NID1: variants seen among roughly 807,000 people sequenced by gnomAD.
NID1 encodes nidogen 1.
NID1 carries 76 observed loss-of-function variants against 130.6 expected under a neutral mutation model. The ratio of observed to expected loss-of-function variants is 0.58; its 90% CI spans 0.48 to 0.70. The LOEUF (loss-of-function observed/expected upper bound fraction) is 0.70, where lower values mean the gene tolerates loss of function less well. Among genes scored for constraint, NID1 ranks in the 30% least tolerant of loss-of-function variants. The probability of loss-of-function intolerance (pLI) is 0.00; values close to 1 mark genes in which losing one functional copy is unlikely to be tolerated. For missense variants in NID1, 1,517 were observed against 1,664.8 expected (o/e 0.91, Z 1.54); for synonymous variants, 665 against 675.1 (o/e 0.98, Z 0.23).
chr1:236,043,625 C>T (rs577699886), intron 3 of NID1, among the ~76,000 whole-genome samples: 16 of 151,966 alleles, frequency 1.1e-4, no homozygotes, highest in East Asian at 3.9e-4. Context: ...GGTGAAACCC[C>T]GTCTCTACTA....
rs371251887 is a variant in NID1 at position 235,981,707 on chromosome 1, C to T, written c.3131G>A (p.Arg1044Gln). Reference protein sequence around the residue: ...NIFWTDSNLDRIEVAKLDGTQ... With the variant: ...NIFWTDSNLDQIEVAKLDGTQ... ...GCCGTCCAGCTTCGCCACTTCTATT[C>T]GATCCAGGTTAGAGTCTGTCCAGAA... Residue 1044 changes from arginine to glutamine, a missense_variant, in exon 16 of 20, where the codon CGA becomes CAA. Physicochemically the swap from Arg to Gln is conservative, Grantham distance 43. Around this residue, in one of 3 missense-constraint regions of NID1, gnomAD observed 1,329 missense variants for 1,429.2 expected, o/e 0.93. Transcript: ENST00000264187. 1.4e-5 allele frequency: 22 copies of T among 1,614,104 alleles called. No individual in the cohort carries two copies. Among genetic ancestry groups the T allele is most frequent in the Admixed American group, 6.7e-5 (4 of 60,006 alleles).
chr1:235,992,488 A>G (rs2102800385), intron 13 of NID1, among the ~76,000 whole-genome samples: 1 of 152,244 alleles, frequency 6.6e-6, no homozygotes, highest in Non-Finnish European at 1.5e-5. Flanking sequence ...CCTCATGACC[A>G]ATACTCAGGC....
Position 236,064,931 on chromosome 1 carries a change from TC to T in NID1, c.148del (p.Asp50MetfsTer10). ...CTCCAGGGCAGGAGAGACGAAGTCA[TC>T]CCCGTCCTCCAGCTCCAGGTCCCCC... Reference protein sequence around the residue: ...GQGDLELEDGDDFVSPALELS... With the variant: ...GQGDLELEDGXDFVSPALELS... On this transcript the variant is annotated frameshift_variant, in exon 1 of 20. Transcript: ENST00000264187. LOFTEE classifies it high-confidence loss of function. 1 of 1,610,474 alleles carries T rather than the reference TC, an allele frequency of 6.2e-7. No individual in the cohort carries two copies. The highest frequency in any genetic ancestry group is 1.1e-5 in the South Asian group (1 of 90,472).
chr1:235,999,984 C>A (rs1055502303), intron 12 of NID1, among the ~76,000 whole-genome samples: 1 of 152,072 alleles, frequency 6.6e-6, no homozygotes, highest in Admixed American at 6.6e-5. Context: ...GAGGCTGAGG[C>A]GGGTGGATCA....
chr1:236,056,141 C>G (rs57739318), intron 1 of NID1, among the ~76,000 whole-genome samples: 3 of 152,020 alleles, frequency 2.0e-5, no homozygotes, highest in African/African-American at 7.3e-5. Flanking sequence ...GAAATTAACT[C>G]GCAATGGATT....
chr1:236,003,214 C>T (rs9728131), intron 12 of NID1, among the ~76,000 whole-genome samples: 8,039 of 41,156 alleles, frequency 0.2, 1,476 homozygotes, highest in African/African-American at 0.36. Flanking sequence ...AGTGAACGAC[C>T]GGTAGTTATT....
intron 4 of NID1, among the ~76,000 whole-genome samples, chr1:236,039,281 G>T (rs961512175): frequency 1.1e-4 from 17 of 148,448 alleles, no homozygotes; most frequent in African/African-American, 4.2e-4. Flanking sequence ...CATAAAATTT[G>T]CCATTTTAAC....
intron 14 of NID1, among the ~76,000 whole-genome samples, chr1:235,988,491 AT>A (rs1343086422): frequency 6.6e-6 from 1 of 152,246 alleles, no homozygotes; most frequent in Non-Finnish European, 1.5e-5. Flanking sequence ...AAAATTAAAT[AT>A]AGAATTACTG....
chr1:236,013,682 G>T, intron 10 of NID1, 122 bp from the exon 11 acceptor site: 2 of 1,090,586 alleles, frequency 1.8e-6, no homozygotes, highest in Non-Finnish European at 1.3e-6. Flanking sequence ...CATGTCCACA[G>T]CTTCACCTGC....
rs1391077597 is a variant in NID1 at position 235,979,309 on chromosome 1, G to T, written c.3510-202C>A. Among the ~76,000 whole-genome samples the T allele has an allele frequency of 6.6e-6, 1 of 152,106 alleles. No homozygotes were observed. Among genetic ancestry groups the T allele is most frequent in the African/African-American group, 2.4e-5 (1 of 41,414 alleles). ...GCTTTTTACAAAAGGGTAAAGACCAGTTAGCTCTCCCCTCCCACTCTAGAT... is the reference window on the plus strand; with the variant it reads ...GCTTTTTACAAAAGGGTAAAGACCATTTAGCTCTCCCCTCCCACTCTAGAT... On this transcript the variant is annotated intron_variant, in intron 18 of 19. Transcript: ENST00000264187. The surrounding 1 kb of genome is among the most constrained non-coding windows in gnomAD (Gnocchi z 4.6).
chr1:236,038,166 G>A lies in NID1; in HGVS notation c.1223C>T (p.Thr408Met), dbSNP rs1659316373. 4.3e-6 allele frequency: 7 copies of A among 1,611,424 alleles called. No individual in the cohort carries two copies. Among genetic ancestry groups the A allele is most frequent in the Middle Eastern group, 1.6e-4 (1 of 6,076 alleles). Residue 408 changes from threonine to methionine, a missense_variant, in exon 5 of 20, where the codon ACG (threonine) becomes ATG (methionine). Thr to Met is a moderately conservative substitution (Grantham distance 81, BLOSUM62 -1). Transcript: ENST00000264187. ...SVHAECRDYA[T>M]GFCCSCVAGY... ...AGCGACACAGCTGCAGCAGAAGCCC[G>A]TGGCGTAGTCCCTGCACTCTGCGTG...
chr1:236,048,227 C>T lies in NID1; in HGVS notation c.525+463G>A, dbSNP rs573510748. On this transcript the variant is annotated intron_variant, in intron 2 of 19. Transcript: ENST00000264187. Reference sequence around the variant, plus strand: ...GTGGTCGCCTGTAGTCCCAGCTACTCGGGAGGCTGAGACAGGAGAATGGTG... The same window carrying T: ...GTGGTCGCCTGTAGTCCCAGCTACTTGGGAGGCTGAGACAGGAGAATGGTG... Among the ~76,000 whole-genome samples the T allele has an allele frequency of 1.1e-4, 17 of 150,864 alleles. No homozygotes were observed. In the South Asian group the frequency reaches 2.3e-3, roughly 20 times the overall value.
chr1:236,022,275 T>C (rs1006281484), intron 9 of NID1, among the ~76,000 whole-genome samples: 22 of 148,934 alleles, frequency 1.5e-4, no homozygotes, highest in Admixed American at 1.3e-3. Context: ...TCAAAAACAA[T>C]AAAAATAAAA....
chr1:235,984,641 A>G (rs147408848), intron 15 of NID1, among the ~76,000 whole-genome samples: 2 of 152,356 alleles, frequency 1.3e-5, no homozygotes, highest in African/African-American at 4.8e-5. Context: ...ATAGGAGCAA[A>G]AATATTCCCA....
intron 1 of NID1, among the ~76,000 whole-genome samples, chr1:236,063,449 G>C (rs1046856701): frequency 6.7e-6 from 1 of 149,112 alleles, no homozygotes; most frequent in Non-Finnish European, 1.5e-5. Context: ...TCCAGGCTGG[G>C]GGATAGAGAG....
intron 1 of NID1, among the ~76,000 whole-genome samples, chr1:236,055,520 C>A (rs955052039): frequency 7.3e-5 from 11 of 151,478 alleles, no homozygotes; most frequent in Non-Finnish European, 7.4e-5. Flanking sequence ...GGTGCAGTGG[C>A]TAATCACACC....
chr1:235,980,726 C>T, intron 16 of NID1, 73 bp from the exon 17 acceptor site: 16 of 1,481,464 alleles, frequency 1.1e-5, no homozygotes, highest in Non-Finnish European at 1.5e-5. Flanking sequence ...ATGAAAAACA[C>T]TTGAAAAGAA....
rs750194282 is a variant in NID1, at chr1:235,995,521, C to T, written c.2528-1649G>A. Among the ~76,000 whole-genome samples, 17 of 152,190 alleles carry T rather than the reference C, an allele frequency of 1.1e-4. 1 individual carries two copies. The highest frequency in any genetic ancestry group is 1.6e-4 in the Non-Finnish European group (11 of 68,028). On this transcript the variant is annotated intron_variant, in intron 12 of 19. Coordinates refer to ENST00000264187, the MANE Select transcript of NID1 (RefSeq NM_002508.3). ...GTTGTAGCCTCTGCAGTATCGACCA[C>T]ACAAAGCAATGTCCAGACACTGGCA... is the stretch of plus-strand genomic sequence containing the variant.
intron 1 of NID1, among the ~76,000 whole-genome samples, chr1:236,056,120 T>C (rs1339701708): frequency 6.6e-6 from 1 of 152,282 alleles, no homozygotes; most frequent in East Asian, 1.9e-4. Context: ...CCCTATTTTA[T>C]AGCACTCATA....
Sources: gnomAD v4.1 joint callset for allele counts (sites outside exome capture counted in the v4.1 genomes callset) on GRCh38, gnomAD v4.1.1 for gene constraint, gnomAD v4.1.1 regional missense constraint, Gnocchi (gnomAD v3.1) non-coding constraint, MANE v1.5 for transcripts, NCBI Gene and HGNC (gene_info 2026-07-23, HGNC 2026-07-21) for gene names.